The following B3GALT1 variants were observed in gnomAD, a reference collection of about 807,000 sequenced individuals.
The protein encoded by B3GALT1 is UDP-Gal:betaGlcNAc beta 1,3-galactosyltransferase, polypeptide 1.
B3GALT1 carries 10 observed loss-of-function variants against 23.2 expected under a neutral mutation model. The ratio of observed to expected loss-of-function variants is 0.43; its 90% CI spans 0.27 to 0.73. The LOEUF is 0.73. Ranked by LOEUF, B3GALT1 falls within the 30% of genes least tolerant of loss-of-function variation. B3GALT1 has a pLI of 0.21. For synonymous variants in B3GALT1, 156 were observed against 141.5 expected, an observed-to-expected ratio of 1.10 and a Z score of -0.73; for missense variants, 299 against 405.4, an observed-to-expected ratio of 0.74 and a Z score of 2.25.
intron 1 of B3GALT1, among the ~76,000 whole-genome samples, chr2:167,444,730 T>G (rs1698953297): frequency 6.6e-6 from 1 of 152,224 alleles, no homozygotes; most frequent in Non-Finnish European, 1.5e-5. Context: ...TATCATTTTT[T>G]ATTGCATCTA....
At chr2:167,298,662 T>A (rs1381360980) in intron 1 of B3GALT1, among the ~76,000 whole-genome samples, 1 of 152,102 alleles carries the variant, frequency 6.6e-6, no homozygotes, top group African/African-American at 2.4e-5. Flanking sequence ...ATTGCTAAAA[T>A]AGGATTTCTT....
chr2:167,326,703 T>C (rs760084442), intron 1 of B3GALT1, among the ~76,000 whole-genome samples: 30 of 152,134 alleles, frequency 2.0e-4, no homozygotes, highest in Non-Finnish European at 4.3e-4. Flanking sequence ...TATTTATTTA[T>C]TGTAGAGACA....
At chr2:167,565,659 A>T (rs1376975363) in intron 2 of B3GALT1, among the ~76,000 whole-genome samples, 1 of 152,248 alleles carries the variant, frequency 6.6e-6, no homozygotes, top group Non-Finnish European at 1.5e-5. Flanking sequence ...ACAAATTTAC[A>T]AGAAAAAAAC....
At chr2:167,541,528 T>G (rs1278598070) in intron 2 of B3GALT1, among the ~76,000 whole-genome samples, 1 of 152,174 alleles carries the variant, frequency 6.6e-6, no homozygotes, top group Non-Finnish European at 1.5e-5. Flanking sequence ...CAGATTTTTA[T>G]AAAGTAATCT....
chr2:167,541,773 A>G (rs1683537433), intron 2 of B3GALT1, among the ~76,000 whole-genome samples: 1 of 152,238 alleles, frequency 6.6e-6, no homozygotes, highest in Non-Finnish European at 1.5e-5. Flanking sequence ...ACATAAGGAT[A>G]CAATTATTTA....
chr2:167,492,963 C>T (rs897224642), intron 2 of B3GALT1, among the ~76,000 whole-genome samples: 1 of 151,744 alleles, frequency 6.6e-6, no homozygotes, highest in African/African-American at 2.4e-5. Context: ...TAATAATACA[C>T]CATTGAAATA....
intron 2 of B3GALT1, among the ~76,000 whole-genome samples, chr2:167,544,474 T>A (rs1348194003): frequency 1.3e-5 from 2 of 152,056 alleles, no homozygotes; most frequent in African/African-American, 2.4e-5. Context: ...TTTGTATTTT[T>A]TTTATAGAGA....
chr2:167,676,575 CTTTT>C, intron 3 of B3GALT1, among the ~76,000 whole-genome samples: 1 of 150,644 alleles, frequency 6.6e-6, no homozygotes, highest in African/African-American at 2.4e-5. Context: ...GTATGCATTT[CTTTT>C]GAGACAGAGC....
chr2:167,351,684 AAAT>A (rs1394915150), intron 1 of B3GALT1, among the ~76,000 whole-genome samples: 1 of 152,212 alleles, frequency 6.6e-6, no homozygotes, highest in Non-Finnish European at 1.5e-5. Flanking sequence ...TAGTAAAAGA[AAAT>A]AAGATGGAAT....
At position 167,869,552 on chromosome 2, in the gene B3GALT1, G is replaced by T; in HGVS notation, c.513G>T (p.Lys171Asn). The change falls in exon 5 of 5, where the codon AAG becomes AAT. Residue 171 changes from lysine to asparagine, a missense_variant. Lys to Asn is a moderately conservative substitution (Grantham distance 94). Around this residue, in one of 3 missense-constraint regions of B3GALT1, gnomAD observed 133 missense variants for 204.8 expected, o/e 0.65. Coordinates refer to ENST00000392690, the MANE Select transcript of B3GALT1 (RefSeq NM_020981.4). This position sits in a 1 kb window ranked among gnomAD's most constrained non-coding sequence, Gnocchi z 6.4. ...RWVATFCSKA[K>N]YVMKTDSDIF... is the part of the protein sequence containing the mutation. ...TGGCCACTTTTTGTTCAAAAGCCAA[G>T]TATGTCATGAAAACAGACAGCGACA... 1.2e-6 allele frequency: 2 copies of T among 1,614,064 alleles called. No individual in the cohort carries two copies. Among genetic ancestry groups the T allele is most frequent in the Admixed American group, 1.7e-5 (1 of 60,022 alleles).
intron 3 of B3GALT1, among the ~76,000 whole-genome samples, chr2:167,716,323 C>T (rs1687147665): frequency 6.6e-6 from 1 of 152,180 alleles, no homozygotes; most frequent in African/African-American, 2.4e-5. Flanking sequence ...GAGCCCGACC[C>T]GCCTTAGTTC....
chr2:167,584,159 G>T (rs73026084), intron 2 of B3GALT1, among the ~76,000 whole-genome samples: 23,627 of 152,018 alleles, frequency 0.16, 1,868 homozygotes, highest in Non-Finnish European at 0.17. Flanking sequence ...TAAATGGCAG[G>T]GAGCTGAGAG....
chr2:167,723,405 T>C (rs1490881251), intron 3 of B3GALT1, among the ~76,000 whole-genome samples: 1 of 152,238 alleles, frequency 6.6e-6, no homozygotes, highest in East Asian at 1.9e-4. Flanking sequence ...ACAATAGATG[T>C]ATTTTAAAAT....
chr2:167,442,936 A>G, intron 1 of B3GALT1, among the ~76,000 whole-genome samples: 1 of 147,832 alleles, frequency 6.8e-6, no homozygotes, highest in Non-Finnish European at 1.5e-5. Context: ...TGTTTTAGAC[A>G]TGAAGTCCTT....
At chr2:167,829,049 C>T (rs1259775633) in intron 4 of B3GALT1, among the ~76,000 whole-genome samples, 2 of 152,178 alleles carry the variant, frequency 1.3e-5, no homozygotes, top group South Asian at 2.1e-4. Context: ...CTTTTTGCTT[C>T]ATGGTTTGAA....
At chr2:167,331,131 G>A (rs1470631168) in intron 1 of B3GALT1, among the ~76,000 whole-genome samples, 1 of 152,132 alleles carries the variant, frequency 6.6e-6, no homozygotes, top group Middle Eastern at 3.2e-3. Flanking sequence ...AAGGGTCTAT[G>A]ATTTCCTTGG....
At chr2:167,732,388 C>A (rs778836397) in intron 3 of B3GALT1, among the ~76,000 whole-genome samples, 7 of 152,210 alleles carry the variant, frequency 4.6e-5, no homozygotes, top group Admixed American at 6.5e-5. Context: ...TGTTTGGATT[C>A]ACAGTGGTCA....
intron 2 of B3GALT1, among the ~76,000 whole-genome samples, chr2:167,576,322 A>G (rs1684385802): frequency 6.6e-6 from 1 of 151,804 alleles, no homozygotes; most frequent in Admixed American, 6.6e-5. Flanking sequence ...GATCACAGAA[A>G]TATTGTATAT....
chr2:167,629,258 G>C (rs1685398566), intron 2 of B3GALT1, among the ~76,000 whole-genome samples: 1 of 151,868 alleles, frequency 6.6e-6, no homozygotes, highest in African/African-American at 2.4e-5. Flanking sequence ...GAGCTTTGGT[G>C]TAAAAGTCCC....
Sources: gnomAD v4.1 joint callset for allele counts (sites outside exome capture counted in the v4.1 genomes callset) on GRCh38, gnomAD v4.1.1 for gene constraint, gnomAD v4.1.1 regional missense constraint, Gnocchi (gnomAD v3.1) non-coding constraint, MANE v1.5 for transcripts, NCBI Gene and HGNC (gene_info 2026-07-23, HGNC 2026-07-21) for gene names.